The following MYO5A variants were observed in gnomAD, a reference collection of about 807,000 sequenced individuals.
MYO5A encodes the protein myosin VA, also known as unconventional myosin-Va.
Under a neutral mutation model 249.7 loss-of-function variants are expected in MYO5A, and 98 were observed. That is an observed-to-expected ratio of 0.39 (90% CI 0.33 to 0.46). The LOEUF (loss-of-function observed/expected upper bound fraction) is 0.46. Ranked by LOEUF, MYO5A falls within the 20% of genes least tolerant of loss-of-function variation. MYO5A has a pLI of 0.98. For missense variants in MYO5A, 1,696 were observed against 2,308.8 expected (o/e 0.73, Z 5.44); for synonymous variants, 778 against 810.6 (o/e 0.96, Z 0.68).
intron 1 of MYO5A, among the ~76,000 whole-genome samples, chr15:52,518,240 T>C (rs1219304726): frequency 1.8e-5 from 2 of 110,044 alleles, no homozygotes; most frequent in Non-Finnish European, 3.4e-5. Flanking sequence ...CATACTACAA[T>C]ACACAGGAGA....
chr15:52,364,465 A>C, intron 24 of MYO5A, 89 bp downstream of exon 24: 1 of 1,269,248 alleles, frequency 7.9e-7, no homozygotes, highest in Non-Finnish European at 1.1e-6. Flanking sequence ...AGGTACACAG[A>C]AGATATGGAG....
chr15:52,320,269 C>A (rs1407893492), intron 38 of MYO5A, among the ~76,000 whole-genome samples: 2 of 152,188 alleles, frequency 1.3e-5, no homozygotes, highest in Non-Finnish European at 2.9e-5. Flanking sequence ...ACAGCAAGCC[C>A]CTTGAGAGCA....
intron 39 of MYO5A, 112 bp downstream of exon 39, chr15:52,318,948 T>A: frequency 7.3e-7 from 1 of 1,373,620 alleles, no homozygotes; most frequent in Non-Finnish European, 1.0e-6. Context: ...CTTGGCCACA[T>A]GGCACCAGAC....
At chr15:52,460,539 G>C (rs2076226515) in intron 1 of MYO5A, among the ~76,000 whole-genome samples, 1 of 152,188 alleles carries the variant, frequency 6.6e-6, no homozygotes, top group South Asian at 2.1e-4. Flanking sequence ...CCAGGCACTC[G>C]GCAGGCTGAG....
chr15:52,528,306 A>C (rs1428497289), intron 1 of MYO5A, among the ~76,000 whole-genome samples: 1 of 152,200 alleles, frequency 6.6e-6, no homozygotes, highest in Non-Finnish European at 1.5e-5. Flanking sequence ...AGGATTCAAA[A>C]TAACCTCACA....
chr15:52,511,793 T>C (rs1445264108), intron 1 of MYO5A, among the ~76,000 whole-genome samples: 1 of 152,228 alleles, frequency 6.6e-6, no homozygotes, highest in Non-Finnish European at 1.5e-5. Flanking sequence ...ATATAATTAT[T>C]TTTAAGGATT....
intron 1 of MYO5A, among the ~76,000 whole-genome samples, chr15:52,482,721 A>T (rs2076739232): frequency 1.3e-5 from 2 of 152,050 alleles, no homozygotes; most frequent in South Asian, 4.1e-4. Flanking sequence ...AAATGGCTTT[A>T]AAAAAATTTT....
chr15:52,523,776 C>A (rs903618828), intron 1 of MYO5A, among the ~76,000 whole-genome samples: 1 of 152,210 alleles, frequency 6.6e-6, no homozygotes, highest in African/African-American at 2.4e-5. Flanking sequence ...CCTAGGAACA[C>A]CAGGAGGAAA....
intron 18 of MYO5A, among the ~76,000 whole-genome samples, chr15:52,376,940 G>A (rs1288457130): frequency 2.0e-5 from 3 of 152,162 alleles, no homozygotes; most frequent in African/African-American, 7.2e-5. Flanking sequence ...TATATTCCAT[G>A]AGAAGCTGAA....
At chr15:52,363,441 A>C (rs577483238) in intron 24 of MYO5A, among the ~76,000 whole-genome samples, 1 of 152,360 alleles carries the variant, frequency 6.6e-6, no homozygotes, top group South Asian at 2.1e-4. Flanking sequence ...ATAATGGTCC[A>C]ATGTGGGATT....
At chr15:52,486,044 A>C (rs144667762) in intron 1 of MYO5A, among the ~76,000 whole-genome samples, 6 of 152,298 alleles carry the variant, frequency 3.9e-5, no homozygotes, top group African/African-American at 1.4e-4. Flanking sequence ...ATTTTTATGA[A>C]CTGTTTAAAT....
At chr15:52,472,470 G>A (rs2076496084) in intron 1 of MYO5A, among the ~76,000 whole-genome samples, 3 of 151,932 alleles carry the variant, frequency 2.0e-5, no homozygotes, top group African/African-American at 7.3e-5. Context: ...ATGTATACAT[G>A]TGCCATGTTG....
At chr15:52,337,752 TAC>T (rs1187363516) in intron 33 of MYO5A, 56 bp downstream of exon 33, 8 of 1,302,332 alleles carry the variant, frequency 6.1e-6, no homozygotes, top group Non-Finnish European at 8.5e-6. Flanking sequence ...GCTCTTCAGT[TAC>T]AGAGGGCTAT....
chr15:52,340,497 A>ACTAAAGAATATC, intron 31 of MYO5A, 103 bp from the exon 32 acceptor site: 2 of 974,774 alleles, frequency 2.1e-6, no homozygotes, highest in Non-Finnish European at 3.2e-6. Context: ...AAAAGCAGAT[A>ACTAAAGAATATC]TTCTTTAGTA....
intron 2 of MYO5A, among the ~76,000 whole-genome samples, chr15:52,430,242 T>C (rs944458782): frequency 6.6e-6 from 1 of 152,280 alleles, no homozygotes; most frequent in East Asian, 1.9e-4. Flanking sequence ...AAATACACAA[T>C]TGTCTGTTCT....
At chr15:52,406,245 C>T (rs2042998711) in intron 8 of MYO5A, among the ~76,000 whole-genome samples, 1 of 151,906 alleles carries the variant, frequency 6.6e-6, no homozygotes, top group African/African-American at 2.4e-5. Flanking sequence ...TGTTTTTTAC[C>T]ATCTCCTGCA....
chr15:52,397,851 C>T (rs145583988), intron 9 of MYO5A, among the ~76,000 whole-genome samples: 47 of 152,258 alleles, frequency 3.1e-4, no homozygotes, highest in Admixed American at 1.2e-3. Context: ...AACTTATAGT[C>T]ACTTGGGGAA....
At chr15:52,442,392 A>G (rs1204886254) in intron 1 of MYO5A, among the ~76,000 whole-genome samples, 1 of 152,200 alleles carries the variant, frequency 6.6e-6, no homozygotes, top group East Asian at 1.9e-4. Flanking sequence ...TGCTGAACAC[A>G]TGGTGCATTC....
chr15:52,453,539 A>G (rs2076061036), intron 1 of MYO5A, among the ~76,000 whole-genome samples: 1 of 152,194 alleles, frequency 6.6e-6, no homozygotes, highest in Non-Finnish European at 1.5e-5. Context: ...ACACAAAAAA[A>G]CCTCAGAATA....
Sources: allele counts gnomAD v4.1 joint callset (sites outside exome capture counted in the v4.1 genomes callset), GRCh38; gene constraint gnomAD v4.1.1; transcripts MANE v1.5; gene names NCBI Gene and HGNC (gene_info 2026-07-23, HGNC 2026-07-21).